Variants in FAM118B observed in about 807,000 individuals in gnomAD.
FAM118B encodes the protein protein FAM118B.
FAM118B carries 24 observed loss-of-function variants against 38.5 expected under a neutral mutation model. That is an observed-to-expected ratio of 0.62 (90% CI 0.45 to 0.88). FAM118B has a LOEUF of 0.88. Among genes scored for constraint, FAM118B ranks in the 40% least tolerant of loss-of-function variants. The probability of loss-of-function intolerance (pLI) is 0.00; values close to 1 mark genes in which losing one functional copy is unlikely to be tolerated. For missense variants in FAM118B, 334 were observed against 420.0 expected (o/e 0.80, Z 1.79); for synonymous variants, 138 against 156.3 (o/e 0.88, Z 0.87).
chr11:126,257,458 ATATT>A (rs372133456), intron 7 of FAM118B, among the ~76,000 whole-genome samples: 1 of 152,318 alleles, frequency 6.6e-6, no homozygotes, highest in East Asian at 1.9e-4. Context: ...AGATATGCCA[ATATT>A]TATTTAATTG....
At chr11:126,241,747 GC>G (rs2135175725) in intron 4 of FAM118B, among the ~76,000 whole-genome samples, 1 of 152,108 alleles carries the variant, frequency 6.6e-6, no homozygotes, top group Admixed American at 6.5e-5. Flanking sequence ...ACAGGGTTTT[GC>G]CATGTTGGTC....
chr11:126,224,574 C>T (rs537300911), intron 1 of FAM118B, among the ~76,000 whole-genome samples: 2 of 148,266 alleles, frequency 1.3e-5, no homozygotes, highest in South Asian at 2.1e-4. Context: ...AAAAGTAGAA[C>T]AGCTAACATG....
intron 1 of FAM118B, among the ~76,000 whole-genome samples, chr11:126,220,826 AAG>A (rs1421583314): frequency 6.7e-6 from 1 of 150,126 alleles, no homozygotes; most frequent in Non-Finnish European, 1.5e-5. Flanking sequence ...TTTTTTTTTT[AAG>A]AGCTTTCAGA....
rs770106203 is a variant in FAM118B at position 126,262,868 on chromosome 11, TAC to T, written c.*737_*738del. ...CCTGACCATACATATGTCCTAGAAC[TAC>T]AGTTAAGTGTGTTGTGGAATTTTAG... On this transcript the variant is annotated 3_prime_UTR_variant, in exon 9 of 9. Transcript: ENST00000533050. The T allele has an allele frequency of 1.3e-5, 2 of 152,664 alleles. No individual in the cohort carries two copies. The highest frequency in any genetic ancestry group is 2.9e-5 in the Non-Finnish European group (2 of 68,046). The allele number at this position is 152,664 out of a possible 1,614,324, so 9.5% of individuals were successfully genotyped here.
chr11:126,253,412 A>G lies in FAM118B; in HGVS notation c.568-893A>G, dbSNP rs1468815379. 1.3e-5 allele frequency among the ~76,000 whole-genome samples: 2 copies of G among 152,220 alleles called. No individual in the cohort carries two copies. The highest frequency in any genetic ancestry group is 1.5e-5 in the Non-Finnish European group (1 of 68,036). On this transcript the variant is annotated intron_variant, in intron 5 of 8. Transcript: ENST00000533050. This position sits in a 1 kb window ranked among gnomAD's most constrained non-coding sequence, Gnocchi z 5.1. ...GTATGCTGTCTCCAGTCCTTGGGAA[A>G]ATGGAGCCATGGAATCAGGTGGCTA...
chr11:126,220,449 G>A (rs1304953269), intron 1 of FAM118B, among the ~76,000 whole-genome samples: 2 of 151,912 alleles, frequency 1.3e-5, no homozygotes, highest in Non-Finnish European at 2.9e-5. Context: ...GGTGGCCCAT[G>A]CCTGTAATCC....
chr11:126,247,931 A>T (rs564823749), intron 4 of FAM118B, among the ~76,000 whole-genome samples: 1 of 147,256 alleles, frequency 6.8e-6, no homozygotes, highest in Non-Finnish European at 1.5e-5. Flanking sequence ...GTATATCTAT[A>T]TATATATTTT....
chr11:126,232,722 T>A (rs7936224), intron 2 of FAM118B, among the ~76,000 whole-genome samples: 26,673 of 151,036 alleles, frequency 0.18, 2,476 homozygotes, highest in South Asian at 0.22. Flanking sequence ...TATTTTTTTT[T>A]AAAAAAATAT....
At position 126,240,918 on chromosome 11, in the gene FAM118B, C is replaced by A. The variant is rs74892607; in HGVS notation, c.213C>A (p.Ala71=). 2.1e-3 allele frequency: 3,392 copies of A among 1,614,138 alleles called. 44 individuals are homozygous for A. In the African/African-American group the frequency reaches 0.027, roughly 13 times the overall value. Residue 71 remains alanine (A), a synonymous_variant, in exon 4 of 9, where the codon GCC becomes GCA. Transcript: ENST00000533050. ...AATCCTGGAAGGGGTTAATTCAGGC[C>A]TTACTGGATGCTGCCATTGATTTTG... ...ALKSWKGLIQ[A]LLDAAIDFDL...
rs1950398487 is a variant in FAM118B at position 126,244,623 on chromosome 11, G to A, written c.339+3579G>A. The stretch of plus-strand genomic sequence containing the variant: ...GGTAGAGACCAGCCTGGCCAACATG[G>A]TGAAACCCCGTCTCTACTAAAAATA... On this transcript the variant is annotated intron_variant, in intron 4 of 8. Coordinates refer to ENST00000533050, the MANE Select transcript of FAM118B (RefSeq NM_024556.4). This position sits in a 1 kb window ranked among gnomAD's most constrained non-coding sequence, Gnocchi z 4.5. Among the ~76,000 whole-genome samples, 1 of 152,134 alleles carries A rather than the reference G, an allele frequency of 6.6e-6. No individual in the cohort carries two copies. Among genetic ancestry groups the A allele is most frequent in the Non-Finnish European group, 1.5e-5 (1 of 68,024 alleles).
rs998362482 is a variant in FAM118B, at chr11:126,244,168, A to G, written c.339+3124A>G. 1.3e-5 allele frequency among the ~76,000 whole-genome samples: 2 copies of G among 152,232 alleles called. No homozygotes were observed. Among genetic ancestry groups the G allele is most frequent in the Non-Finnish European group, 2.9e-5 (2 of 68,038 alleles). On this transcript the variant is annotated intron_variant, in intron 4 of 8. Coordinates refer to ENST00000533050, the MANE Select transcript of FAM118B (RefSeq NM_024556.4). The surrounding 1 kb of genome is among the most constrained non-coding windows in gnomAD (Gnocchi z 4.5). ...AATGGTGAAAGACTGGATTTTTTCC[A>G]CTAAGATCAGCAGCAAGACAAGGCT...
chr11:126,216,408 C>T (rs567619027), intron 1 of FAM118B, among the ~76,000 whole-genome samples: 1 of 152,114 alleles, frequency 6.6e-6, no homozygotes, highest in Non-Finnish European at 1.5e-5. Flanking sequence ...AAAACCGTTT[C>T]TCTGCCCTCC....
Position 126,255,279 on chromosome 11 carries a change from A to G in FAM118B, c.696+846A>G, listed in dbSNP as rs1480527854. On this transcript the variant is annotated intron_variant, in intron 6 of 8. Coordinates refer to ENST00000533050, the MANE Select transcript of FAM118B (RefSeq NM_024556.4). This position sits in a 1 kb window ranked among gnomAD's most constrained non-coding sequence, Gnocchi z 4.6. The stretch of plus-strand genomic sequence containing the variant: ...GTATTCGCTGCCCCCAGCTCTAAGA[A>G]TCTTGTTTGCTGTTTTCAGGACTGG... Among the ~76,000 whole-genome samples the G allele has an allele frequency of 6.6e-6, 1 of 152,216 alleles. No homozygotes were observed. Among genetic ancestry groups the G allele is most frequent in the Non-Finnish European group, 1.5e-5 (1 of 68,038 alleles).
At chr11:126,247,676 G>A (rs1212372618) in intron 4 of FAM118B, among the ~76,000 whole-genome samples, 1 of 151,828 alleles carries the variant, frequency 6.6e-6, no homozygotes, top group Non-Finnish European at 1.5e-5. Context: ...TAGCCAACAT[G>A]GTGAAACCCA....
intron 2 of FAM118B, chr11:126,233,503 A>G (rs749162761): frequency 4.6e-5 from 12 of 259,376 alleles, no homozygotes; most frequent in Non-Finnish European, 9.0e-5. Flanking sequence ...AAACAAAACA[A>G]AAAACCCAGA....
chr11:126,226,843 T>G (rs898795026), intron 1 of FAM118B, among the ~76,000 whole-genome samples: 2 of 151,156 alleles, frequency 1.3e-5, no homozygotes, highest in Non-Finnish European at 2.9e-5. Flanking sequence ...CATGGTGATA[T>G]GCGCCTGTAG....
chr11:126,248,307 A>T (rs1413977096), intron 4 of FAM118B, among the ~76,000 whole-genome samples: 2 of 137,704 alleles, frequency 1.5e-5, no homozygotes, highest in Non-Finnish European at 1.5e-5. Flanking sequence ...AAAGAGCACC[A>T]TATTTTTTAT....
intron 7 of FAM118B, among the ~76,000 whole-genome samples, chr11:126,258,041 C>T (rs1950607836): frequency 6.6e-6 from 1 of 152,160 alleles, no homozygotes; most frequent in African/African-American, 2.4e-5. Flanking sequence ...AAAAACTTGG[C>T]TGTTGTGCAC....
At chr11:126,217,967 C>G (rs575320205) in intron 1 of FAM118B, among the ~76,000 whole-genome samples, 80 of 152,320 alleles carry the variant, frequency 5.3e-4, no homozygotes, top group Admixed American at 1.5e-3. Context: ...AGGATATTCT[C>G]TATCTCTGGT....
Sources: gnomAD v4.1 joint callset for allele counts (sites outside exome capture counted in the v4.1 genomes callset) on GRCh38, gnomAD v4.1.1 for gene constraint, Gnocchi (gnomAD v3.1) non-coding constraint, MANE v1.5 for transcripts, NCBI Gene and HGNC (gene_info 2026-07-23, HGNC 2026-07-21) for gene names.